Variants in CASR observed in about 807,000 individuals in gnomAD.
The protein encoded by CASR is extracellular calcium-sensing receptor.
CASR carries 23 observed loss-of-function variants against 69.1 expected under a neutral mutation model. That is an observed-to-expected ratio of 0.33 (90% CI 0.24 to 0.47). The LOEUF is 0.47. Among genes scored for constraint, CASR ranks in the 20% least tolerant of loss-of-function variants. The probability of loss-of-function intolerance (pLI) is 1.00; values close to 1 mark genes in which losing one functional copy is unlikely to be tolerated. For missense variants in CASR, 924 were observed against 1,356.1 expected (o/e 0.68, Z 5.00); for synonymous variants, 541 against 544.7 (o/e 0.99, Z 0.10).
chr3:122,249,972 C>T (rs1436471797), intron 1 of CASR, among the ~76,000 whole-genome samples: 1 of 152,210 alleles, frequency 6.6e-6, no homozygotes, highest in Admixed American at 6.5e-5. Flanking sequence ...GGTTGTAGCT[C>T]CTTGTTCAAG....
chr3:122,209,754 T>A (rs1185949588), intron 1 of CASR, among the ~76,000 whole-genome samples: 1 of 152,062 alleles, frequency 6.6e-6, no homozygotes, highest in Non-Finnish European at 1.5e-5. Context: ...GCCAACATCA[T>A]CCTGATACCA....
intron 1 of CASR, among the ~76,000 whole-genome samples, chr3:122,215,607 G>A (rs983128084): frequency 7.9e-5 from 12 of 152,170 alleles, no homozygotes; most frequent in African/African-American, 2.2e-4. Flanking sequence ...ACATTATTCA[G>A]GGTAGGTTTC....
chr3:122,276,092 C>T (rs778966330), intron 5 of CASR, 50 bp downstream of exon 5: 2 of 1,229,612 alleles, frequency 1.6e-6, no homozygotes, highest in Non-Finnish European at 1.2e-6. Context: ...GGGCAGGAAA[C>T]TGTGCTGGGC....
chr3:122,270,588 G>C lies in CASR; in HGVS notation c.1378-5224G>C, dbSNP rs539366755. The stretch of plus-strand genomic sequence containing the variant: ...TTTTGTAGTTACTTATTTGGAAACT[G>C]AAGTCATTGATTTAAAAACCTTTCT... On this transcript the variant is annotated intron_variant, in intron 4 of 6. Transcript: ENST00000639785. Among the ~76,000 whole-genome samples the C allele has an allele frequency of 4.6e-5, 7 of 152,276 alleles. No individual in the cohort carries two copies. The South Asian group carries it at 1.4e-3, about 32-fold the overall frequency.
At position 122,282,002 on chromosome 3, in the gene CASR, C is replaced by G. The variant is rs2074894130; in HGVS notation, c.1609-111C>G. The G allele has an allele frequency of 2.0e-6, 3 of 1,507,434 alleles. No homozygotes were observed. The Admixed American group carries it at 5.1e-5, about 26-fold the overall frequency. 93.4% of individuals were successfully genotyped at this position (1,507,434 alleles called of 1,614,324 possible). ...CCTGGAATGGGCCCAACGTCTGTCA[C>G]ACTGATTCTTGTGCCCAAACTCCTC... On this transcript the variant is annotated intron_variant, in intron 5 of 6. Transcript: ENST00000639785.
At chr3:122,234,285 A>G (rs2074307551) in intron 1 of CASR, among the ~76,000 whole-genome samples, 1 of 152,236 alleles carries the variant, frequency 6.6e-6, no homozygotes, top group Non-Finnish European at 1.5e-5. Flanking sequence ...AACCATAGAT[A>G]TAATGCAAGT....
intron 1 of CASR, among the ~76,000 whole-genome samples, chr3:122,252,409 A>AAAAGAAAGAAAGAAAAAGAAAGAAAG (rs2074500687): frequency 3.1e-4 from 2 of 6,476 alleles, no homozygotes; most frequent in East Asian, 9.6e-4. Context: ...GAAGGAAGGA[A>AAAAGAAAGAAAGAAAAAGAAAGAAAG]AAAGAAAGAA....
intron 1 of CASR, among the ~76,000 whole-genome samples, chr3:122,196,516 G>GT (rs898374169): frequency 6.6e-6 from 1 of 151,462 alleles, no homozygotes; most frequent in Non-Finnish European, 1.5e-5. Flanking sequence ...GGTTTTTGGG[G>GT]TTTTTTGTTT....
At chr3:122,225,081 G>T (rs1164880860) in intron 1 of CASR, among the ~76,000 whole-genome samples, 1 of 152,064 alleles carries the variant, frequency 6.6e-6, no homozygotes, top group Non-Finnish European at 1.5e-5. Flanking sequence ...TTGGATTAAA[G>T]ACTTAAATAT....
chr3:122,276,778 G>A (rs1364417722), intron 5 of CASR, among the ~76,000 whole-genome samples: 2 of 152,210 alleles, frequency 1.3e-5, no homozygotes, highest in East Asian at 3.8e-4. Context: ...GAGTATCACT[G>A]CAGCTAGAAG....
intron 1 of CASR, among the ~76,000 whole-genome samples, chr3:122,201,055 T>C (rs1367127721): frequency 6.8e-6 from 1 of 146,244 alleles, no homozygotes; most frequent in African/African-American, 2.5e-5. Context: ...CAGAGGGGGA[T>C]TTGGCAGGGT....
chr3:122,244,628 T>G (rs1352330182), intron 1 of CASR, among the ~76,000 whole-genome samples: 1 of 152,096 alleles, frequency 6.6e-6, no homozygotes, highest in Non-Finnish European at 1.5e-5. Flanking sequence ...TAGGGAGGCA[T>G]GAGTGGGGGC....
intron 1 of CASR, among the ~76,000 whole-genome samples, chr3:122,242,449 TA>T (rs2074387296): frequency 2.0e-5 from 3 of 151,942 alleles, no homozygotes; most frequent in African/African-American, 7.2e-5. Context: ...CAAGTAAAAT[TA>T]AATACTTAGG....
chr3:122,282,273 G>A (rs1480710244), intron 6 of CASR, 37 bp downstream of exon 6: 10 of 1,610,714 alleles, frequency 6.2e-6, no homozygotes, highest in South Asian at 1.1e-5. Flanking sequence ...GCAGGGCTTG[G>A]TCCACTTCGG....
Position 122,288,290 on chromosome 3 carries a change from G to A in CASR, c.*3099G>A, listed in dbSNP as rs755650981. 3 of 152,224 alleles carry A rather than the reference G, an allele frequency of 2.0e-5. No individual in the cohort carries two copies. The highest frequency in any genetic ancestry group is 2.4e-5 in the African/African-American group (1 of 41,452). 9.4% of individuals were successfully genotyped at this position (152,224 alleles called of 1,614,324 possible). A position where few individuals can be genotyped will look rare whatever the true frequency, so the allele number is the denominator to read the frequency against. On this transcript the variant is annotated 3_prime_UTR_variant, in exon 7 of 7. Coordinates refer to ENST00000639785, the MANE Select transcript of CASR (RefSeq NM_000388.4). ...AGAAGCTGGCAAATGCCAGAAAACC[G>A]ATTCTCCCCTAAAACATCCAGAAAG...
intron 4 of CASR, among the ~76,000 whole-genome samples, chr3:122,271,734 C>T (rs2074759802): frequency 6.6e-6 from 1 of 152,186 alleles, no homozygotes; most frequent in Non-Finnish European, 1.5e-5. Flanking sequence ...AAAGCAACCT[C>T]ATATCCTCTA....
intron 1 of CASR, among the ~76,000 whole-genome samples, chr3:122,232,855 G>A (rs1391229640): frequency 1.3e-5 from 2 of 152,164 alleles, no homozygotes; most frequent in Non-Finnish European, 2.9e-5. Flanking sequence ...GGTCCCATAA[G>A]CTAGGCCTTG....
At chr3:122,186,823 G>C (rs1352105672) in intron 1 of CASR, among the ~76,000 whole-genome samples, 1 of 152,156 alleles carries the variant, frequency 6.6e-6, no homozygotes, top group Non-Finnish European at 1.5e-5. Context: ...TATCCACTAG[G>C]AATGGTGTTT....
intron 1 of CASR, among the ~76,000 whole-genome samples, chr3:122,213,868 T>C (rs886381996): frequency 5.3e-5 from 8 of 152,228 alleles, no homozygotes; most frequent in African/African-American, 1.9e-4. Context: ...CTGTGGTTGC[T>C]GAGAGGGACA....
Sources: allele counts gnomAD v4.1 joint callset (sites outside exome capture counted in the v4.1 genomes callset), GRCh38; gene constraint gnomAD v4.1.1; transcripts MANE v1.5; gene names NCBI Gene and HGNC (gene_info 2026-07-23, HGNC 2026-07-21).